Variants in FBXO16 observed in about 807,000 individuals in gnomAD.
FBXO16 encodes F-box only protein 16.
FBXO16 carries 31 observed loss-of-function variants against 41.0 expected under a neutral mutation model. That is an observed-to-expected ratio of 0.76 (90% CI 0.57 to 1.02). The LOEUF (loss-of-function observed/expected upper bound fraction) is 1.02. FBXO16 is among the 50% of genes least tolerant of loss of function. FBXO16 has a pLI of 0.00. For missense variants in FBXO16, 361 were observed against 346.2 expected, an observed-to-expected ratio of 1.04 and a Z score of -0.34; for synonymous variants, 133 against 117.8, an observed-to-expected ratio of 1.13 and a Z score of -0.84.
chr8:28,472,471 G>A (rs1212602061), intron 3 of FBXO16, among the ~76,000 whole-genome samples: 4 of 152,030 alleles, frequency 2.6e-5, no homozygotes, highest in African/African-American at 9.7e-5. Flanking sequence ...CATGTGGTTC[G>A]CACCTGTAAT....
chr8:28,443,808 G>A (rs1289707148), intron 7 of FBXO16, among the ~76,000 whole-genome samples: 1 of 152,078 alleles, frequency 6.6e-6, no homozygotes, highest in Non-Finnish European at 1.5e-5. Context: ...ATGGCGACAG[G>A]AATGACCTCT....
chr8:28,460,281 C>T (rs1803110667), intron 4 of FBXO16, among the ~76,000 whole-genome samples: 1 of 128,512 alleles, frequency 7.8e-6, no homozygotes, highest in Non-Finnish European at 1.6e-5. Flanking sequence ...CAAAGTCTCA[C>T]CCTGTTGCTC....
chr8:28,462,280 T>TTC (rs1803147643), intron 4 of FBXO16, among the ~76,000 whole-genome samples: 1 of 139,886 alleles, frequency 7.1e-6, no homozygotes, highest in African/African-American at 3.0e-5. Flanking sequence ...TCTTCTTCTT[T>TTC]TTTTTTTTTT....
intron 7 of FBXO16, 48 bp downstream of exon 7, chr8:28,447,123 G>C: frequency 6.6e-7 from 1 of 1,507,320 alleles, no homozygotes; most frequent in Non-Finnish European, 9.1e-7. Context: ...GAGATCTGGA[G>C]ATTTTCATTA....
intron 3 of FBXO16, among the ~76,000 whole-genome samples, chr8:28,469,422 C>T (rs1012252324): frequency 6.6e-6 from 1 of 152,116 alleles, no homozygotes; most frequent in East Asian, 1.9e-4. Context: ...GCTTCAAACT[C>T]GTGGGCTCAA....
intron 3 of FBXO16, among the ~76,000 whole-genome samples, chr8:28,472,589 C>A (rs112279515): frequency 0.2 from 30,481 of 151,804 alleles, 3,998 homozygotes; most frequent in East Asian, 0.52. Flanking sequence ...AAAAATACAA[C>A]AAACTAGCCA....
intron 2 of FBXO16, among the ~76,000 whole-genome samples, chr8:28,481,080 A>G (rs13252784): frequency 0.75 from 114,237 of 151,982 alleles, 43,950 homozygotes; most frequent in African/African-American, 0.93. Flanking sequence ...CCTGGGCATC[A>G]GATGTGAGGG....
intron 7 of FBXO16, among the ~76,000 whole-genome samples, chr8:28,434,976 A>G (rs1200555730): frequency 6.6e-6 from 1 of 152,244 alleles, no homozygotes; most frequent in Non-Finnish European, 1.5e-5. Flanking sequence ...CGTTGTCCAT[A>G]GCCCAATGGA....
intron 2 of FBXO16, among the ~76,000 whole-genome samples, chr8:28,476,277 C>G (rs372263032): frequency 6.6e-6 from 1 of 152,204 alleles, no homozygotes; most frequent in African/African-American, 2.4e-5. Context: ...AGAGTCCACA[C>G]AAGTCCAGCT....
chr8:28,440,150 T>C (rs1031193620), intron 7 of FBXO16, among the ~76,000 whole-genome samples: 1 of 152,090 alleles, frequency 6.6e-6, no homozygotes, highest in Admixed American at 6.6e-5. Context: ...TCACCCAGGC[T>C]GGAATGCAGT....
chr8:28,490,066 GT>G (rs1426858649), intron 1 of FBXO16, 119 bp downstream of exon 1: 2 of 152,196 alleles, frequency 1.3e-5, no homozygotes, highest in Non-Finnish European at 2.9e-5. Flanking sequence ...CGGTTGCACT[GT>G]AGCCCAAATG....
chr8:28,430,017 G>A (rs369649014), intron 7 of FBXO16, among the ~76,000 whole-genome samples: 171 of 152,308 alleles, frequency 1.1e-3, no homozygotes, highest in African/African-American at 3.9e-3. Context: ...ACTTCTAAGT[G>A]TAATTCTTTG....
Position 28,436,380 on chromosome 8 carries a change from T to C in FBXO16, c.844-6977A>G, listed in dbSNP as rs535144613. ...CCCTTTTACTCCCCGCTTATGCTTC[T>C]GGCGGAAACAGAGGCAAGGTGTTAG... On this transcript the variant is annotated intron_variant, in intron 7 of 8. Transcript: ENST00000380254. Among the ~76,000 whole-genome samples the C allele has an allele frequency of 9.2e-5, 14 of 152,340 alleles. No homozygotes were observed. In the East Asian group the frequency reaches 2.5e-3, roughly 27 times the overall value.
intron 5 of FBXO16, among the ~76,000 whole-genome samples, chr8:28,453,380 T>C (rs946433765): frequency 1.3e-5 from 2 of 151,874 alleles, no homozygotes; most frequent in Non-Finnish European, 2.9e-5. Flanking sequence ...TCATGACTTC[T>C]AACACATAGA....
At chr8:28,448,150 G>C (rs1445685894) in intron 6 of FBXO16, among the ~76,000 whole-genome samples, 3 of 151,754 alleles carry the variant, frequency 2.0e-5, no homozygotes, top group Admixed American at 6.6e-5. Flanking sequence ...GACCCACCTG[G>C]GCAACATGGT....
chr8:28,457,010 G>A lies in FBXO16; in HGVS notation c.343-80C>T, dbSNP rs1434065206. 6 of 1,488,236 alleles carry A rather than the reference G, an allele frequency of 4.0e-6. No individual in the cohort carries two copies. In the Admixed American group the frequency reaches 8.3e-5, roughly 21 times the overall value. 92.2% of individuals were successfully genotyped at this position (1,488,236 alleles called of 1,614,324 possible). On this transcript the variant is annotated intron_variant, in intron 4 of 8. Transcript: ENST00000380254. ...CATGCCCACTTTCTCTAGGTTTTGA[G>A]CTGTCATCCTGGACCTGAGAAAACT...
In FBXO16 at chr8:28,444,457, C is replaced by T. The variant is rs532476793; in HGVS notation, c.843+2714G>A. ...AGCTGGTACTACAGGCGTGTGCCAACATGCCCGGCTAATTTTTTCTTTTCT... is the reference window on the plus strand; with the variant it reads ...AGCTGGTACTACAGGCGTGTGCCAATATGCCCGGCTAATTTTTTCTTTTCT... On this transcript the variant is annotated intron_variant, in intron 7 of 8. Transcript: ENST00000380254. Among the ~76,000 whole-genome samples the T allele has an allele frequency of 1.5e-3, 222 of 150,002 alleles. 2 individuals carry two copies. The highest frequency in any genetic ancestry group is 5.2e-3 in the African/African-American group (212 of 40,572).
At chr8:28,446,453 G>A (rs930993632) in intron 7 of FBXO16, among the ~76,000 whole-genome samples, 9 of 151,488 alleles carry the variant, frequency 5.9e-5, no homozygotes, top group South Asian at 2.1e-4. Flanking sequence ...GATTACAGGC[G>A]TGAGCCACCA....
intron 7 of FBXO16, among the ~76,000 whole-genome samples, chr8:28,441,603 GCA>G (rs1802776020): frequency 6.6e-6 from 1 of 151,772 alleles, no homozygotes; most frequent in Non-Finnish European, 1.5e-5. Flanking sequence ...AAGCGTGGTG[GCA>G]GGTGCCTGTA....
Sources: allele counts gnomAD v4.1 joint callset (sites outside exome capture counted in the v4.1 genomes callset), GRCh38; gene constraint gnomAD v4.1.1; transcripts MANE v1.5; gene names NCBI Gene and HGNC (gene_info 2026-07-23, HGNC 2026-07-21).